EXT2: variants seen among roughly 807,000 people sequenced by gnomAD.
The protein encoded by EXT2 is exostosin glycosyltransferase 2.
A neutral mutation model predicts 81.6 loss-of-function variants in EXT2; 53 were observed. The ratio of observed to expected loss-of-function variants is 0.65; its 90% confidence interval spans 0.52 to 0.82. EXT2 has a LOEUF of 0.82. Ranked by LOEUF, EXT2 falls within the 40% of genes least tolerant of loss-of-function variation. EXT2 has a pLI of 0.00. For missense variants in EXT2, 774 were observed against 910.2 expected, an observed-to-expected ratio of 0.85 and a Z score of 1.93; for synonymous variants, 320 against 340.0, an observed-to-expected ratio of 0.94 and a Z score of 0.65.
intron 9 of EXT2, among the ~76,000 whole-genome samples, chr11:44,201,304 A>G (rs1259147031): frequency 6.6e-6 from 1 of 152,186 alleles, no homozygotes; most frequent in East Asian, 1.9e-4. Context: ...TCTTCATGTT[A>G]TCAGTAGAGA....
At position 44,153,109 on chromosome 11, in the gene EXT2, A is replaced by G. The variant is rs1954814429; in HGVS notation, c.1174-18502A>G. On this transcript the variant is annotated intron_variant, in intron 7 of 13. Coordinates refer to ENST00000533608, the MANE Select transcript of EXT2 (RefSeq NM_207122.2). ...GTTGAATCTATAATTCAAGTTGGGA[A>G]GAACCGACATCTTGACAATATTGAG... Among the ~76,000 whole-genome samples, 7 of 152,362 alleles carry G rather than the reference A, an allele frequency of 4.6e-5. No homozygotes were observed. The South Asian group carries it at 1.0e-3, about 23-fold the overall frequency.
chr11:44,198,014 A>G lies in EXT2; in HGVS notation c.1491A>G (p.Pro497=). ...VVWNNQNKNP[P]EDSLWPKIRV... The stretch of plus-strand genomic sequence containing the variant: ...GGAATAATCAGAATAAAAACCCTCC[A>G]GAAGGTAAGAAGCCTTAGTGCCTCT... Residue 497 remains proline, a synonymous_variant, in exon 9 of 14, where the codon CCA becomes CCG. Coordinates refer to ENST00000533608, the MANE Select transcript of EXT2 (RefSeq NM_207122.2). 6.2e-7 allele frequency: 1 copy of G among 1,614,068 alleles called. No homozygotes were observed. Among genetic ancestry groups the G allele is most frequent in the Middle Eastern group, 1.6e-4 (1 of 6,062 alleles).
chr11:44,201,721 A>G (rs1343740581), intron 9 of EXT2, among the ~76,000 whole-genome samples: 1 of 152,190 alleles, frequency 6.6e-6, no homozygotes, highest in Non-Finnish European at 1.5e-5. Context: ...AACTAATGGG[A>G]AAGAAAAATC....
Position 44,108,139 on chromosome 11 carries a change from T to C in EXT2, c.427T>C (p.Tyr143His), listed in dbSNP as rs766101735. The C allele has an allele frequency of 6.2e-7, 1 of 1,614,172 alleles. No homozygotes were observed. The highest frequency in any genetic ancestry group is 1.1e-5 in the South Asian group (1 of 91,082). ...LLMAISDSDYYTDDINRACLF... is the reference protein window; with the variant it reads ...LLMAISDSDYHTDDINRACLF... ...CATGGCCATCTCAGACAGTGACTAC[T>C]ACACTGATGACATCAACCGGGCCTG... Residue 143 changes from tyrosine to histidine, a missense_variant, in exon 2 of 14, where the codon TAC becomes CAC. Tyr to His is a moderately conservative substitution (Grantham distance 83). Transcript: ENST00000533608.
intron 7 of EXT2, among the ~76,000 whole-genome samples, chr11:44,164,819 C>T (rs942734509): frequency 1.3e-5 from 2 of 151,934 alleles, no homozygotes; most frequent in Non-Finnish European, 2.9e-5. Context: ...TGTGTACCTT[C>T]CACAGTTTAG....
intron 1 of EXT2, among the ~76,000 whole-genome samples, chr11:44,105,625 A>T (rs765363337): frequency 1.3e-5 from 2 of 152,186 alleles, no homozygotes; most frequent in Non-Finnish European, 2.9e-5. Context: ...GACATGCAGG[A>T]TGCCAAAATA....
At chr11:44,162,148 A>G (rs905169172) in intron 7 of EXT2, among the ~76,000 whole-genome samples, 9 of 152,212 alleles carry the variant, frequency 5.9e-5, no homozygotes, top group African/African-American at 9.6e-5. Context: ...TGGTTTTGAT[A>G]ATTGTACCAT....
chr11:44,177,753 C>T (rs1275035509), intron 8 of EXT2, among the ~76,000 whole-genome samples: 1 of 151,824 alleles, frequency 6.6e-6, no homozygotes, highest in Non-Finnish European at 1.5e-5. Context: ...TCATAGGTAA[C>T]ACTAATAAAG....
chr11:44,236,401 C>T (rs771498077), intron 13 of EXT2, 26 bp downstream of exon 13: 25 of 1,605,038 alleles, frequency 1.6e-5, no homozygotes, highest in East Asian at 1.1e-4. Context: ...ACCAAAAGTG[C>T]GCCTTAGCCT....
At chr11:44,155,508 T>C (rs1400069064) in intron 7 of EXT2, among the ~76,000 whole-genome samples, 1 of 152,042 alleles carries the variant, frequency 6.6e-6, no homozygotes, top group Non-Finnish European at 1.5e-5. Context: ...TTTTTTATAG[T>C]TTAAGGTTAC....
intron 7 of EXT2, among the ~76,000 whole-genome samples, chr11:44,141,869 A>G (rs1000275998): frequency 6.6e-6 from 1 of 152,224 alleles, no homozygotes; most frequent in African/African-American, 2.4e-5. Context: ...ACTATTTGAC[A>G]AATATTTCTG....
chr11:44,100,541 T>A (rs1017654722), intron 1 of EXT2, among the ~76,000 whole-genome samples: 1 of 151,930 alleles, frequency 6.6e-6, no homozygotes, highest in Non-Finnish European at 1.5e-5. Context: ...GAGAGTGGAG[T>A]TGACTGGCTC....
Position 44,151,693 on chromosome 11 carries a change from G to T in EXT2, c.1174-19918G>T, listed in dbSNP as rs576528443. Among the ~76,000 whole-genome samples the T allele has an allele frequency of 1.1e-4, 16 of 152,194 alleles. 2 individuals carry two copies. Among genetic ancestry groups the T allele is most frequent in the Non-Finnish European group, 1.6e-4 (11 of 68,020 alleles). On this transcript the variant is annotated intron_variant, in intron 7 of 13. Coordinates refer to ENST00000533608, the MANE Select transcript of EXT2 (RefSeq NM_207122.2). ...TGTAAACATCTGTGTGCAGGTTTTC[G>T]AGTAGATGTAAGTTTTCAGTGCATT...
chr11:44,135,867 C>T (rs1954558994), intron 7 of EXT2, among the ~76,000 whole-genome samples: 1 of 152,180 alleles, frequency 6.6e-6, no homozygotes, highest in African/African-American at 2.4e-5. Context: ...TAAGTCTTAT[C>T]ATCAATTTGA....
intron 9 of EXT2, among the ~76,000 whole-genome samples, chr11:44,201,918 G>A (rs965881059): frequency 6.6e-6 from 1 of 152,118 alleles, no homozygotes; most frequent in Non-Finnish European, 1.5e-5. Context: ...TGGCCTCCAC[G>A]AAAGGGATAC....
chr11:44,153,504 A>AT lies in EXT2; in HGVS notation c.1174-18097dup, dbSNP rs528870503. Reference sequence around the variant, plus strand: ...TTTTTTCCCAATATATATACCTTGTATTTTTTTTTTCTTGACTTACTGCAT... The same window carrying AT: ...TTTTTTCCCAATATATATACCTTGTATTTTTTTTTTTCTTGACTTACTGCAT... On this transcript the variant is annotated intron_variant, in intron 7 of 13. Coordinates refer to ENST00000533608, the MANE Select transcript of EXT2 (RefSeq NM_207122.2). Among the ~76,000 whole-genome samples, 150 of 148,258 alleles carry AT rather than the reference A, an allele frequency of 1.0e-3. 5 individuals are homozygous for AT. In the South Asian group the frequency reaches 0.027, roughly 26 times the overall value.
chr11:44,236,460 A>C, intron 13 of EXT2, 85 bp downstream of exon 13: 1 of 1,261,230 alleles, frequency 7.9e-7, no homozygotes, highest in Non-Finnish European at 1.1e-6. Flanking sequence ...TTTGTTGGAG[A>C]TATAAGGACA....
chr11:44,104,840 G>GA (rs1229937377), intron 1 of EXT2: 1 of 152,170 alleles, frequency 6.6e-6, no homozygotes, highest in Non-Finnish European at 1.5e-5. Flanking sequence ...CTTACTGTTA[G>GA]AATGATAGAA....
At chr11:44,205,560 A>G (rs1478299550) in intron 9 of EXT2, among the ~76,000 whole-genome samples, 1 of 152,346 alleles carries the variant, frequency 6.6e-6, no homozygotes, top group East Asian at 1.9e-4. Flanking sequence ...CCGTGAATAC[A>G]GGGCCTCTCA....
Sources: gnomAD v4.1 joint callset for allele counts (sites outside exome capture counted in the v4.1 genomes callset) on GRCh38, gnomAD v4.1.1 for gene constraint, MANE v1.5 for transcripts, NCBI Gene and HGNC (gene_info 2026-07-23, HGNC 2026-07-21) for gene names.